The following PDE1A variants were observed in gnomAD, a reference collection of about 807,000 sequenced individuals.
PDE1A encodes phosphodiesterase 1A.
A neutral mutation model predicts 61.7 loss-of-function variants in PDE1A; 35 were observed. The ratio of observed to expected loss-of-function variants is 0.57; its 90% confidence interval spans 0.43 to 0.75. The LOEUF is 0.75. PDE1A is among the 30% of genes least tolerant of loss of function. The probability of loss-of-function intolerance (pLI) is 0.00; values close to 1 mark genes in which losing one functional copy is unlikely to be tolerated. For missense variants in PDE1A, 597 were observed against 630.6 expected (o/e 0.95, Z 0.57); for synonymous variants, 232 against 213.2 (o/e 1.09, Z -0.77).
At position 182,358,637 on chromosome 2, in the gene PDE1A, G is replaced by GT. The variant is rs572105192; in HGVS notation, c.53+67940dup. Reference sequence around the variant, plus strand: ...TTGCTGTTTTCCTATTACACTACGAGTTTTTTGGTAGCAACAATATTCAGC... The same window carrying GT: ...TTGCTGTTTTCCTATTACACTACGAGTTTTTTTGGTAGCAACAATATTCAGC... On this transcript the variant is annotated intron_variant, in intron 1 of 13. Coordinates refer to ENST00000351439, the Ensembl canonical transcript of PDE1A. Among the ~76,000 whole-genome samples, 32 of 152,174 alleles carry GT rather than the reference G, an allele frequency of 2.1e-4. No individual in the cohort carries two copies. The South Asian group carries it at 5.8e-3, about 28-fold the overall frequency.
At chr2:182,257,955 C>G (rs951470264) in intron 2 of PDE1A, among the ~76,000 whole-genome samples, 2 of 152,132 alleles carry the variant, frequency 1.3e-5, no homozygotes, top group Admixed American at 6.5e-5. Context: ...ATCACGAGGT[C>G]AGGAGATCGA....
At chr2:182,385,459 T>A (rs546890823) in intron 1 of PDE1A, among the ~76,000 whole-genome samples, 7 of 152,202 alleles carry the variant, frequency 4.6e-5, no homozygotes, top group East Asian at 1.9e-4. Flanking sequence ...TGGGTTTTTT[T>A]AAAATCAAAA....
At chr2:182,362,816 A>G (rs1325645477) in intron 1 of PDE1A, among the ~76,000 whole-genome samples, 2 of 152,088 alleles carry the variant, frequency 1.3e-5, no homozygotes, top group Non-Finnish European at 2.9e-5. Context: ...GAATCAACCT[A>G]AATGCCCATC....
intron 1 of PDE1A, among the ~76,000 whole-genome samples, chr2:182,370,740 C>G (rs1267091332): frequency 1.3e-5 from 2 of 152,218 alleles, no homozygotes; most frequent in South Asian, 2.1e-4. Context: ...CAGAAGGACA[C>G]AGAAAGTGGA....
chr2:182,400,912 A>C (rs1487986755), intron 1 of PDE1A, among the ~76,000 whole-genome samples: 1 of 152,220 alleles, frequency 6.6e-6, no homozygotes, highest in Non-Finnish European at 1.5e-5. Flanking sequence ...CTTCAAGTCC[A>C]GTTACCAAAC....
intron 2 of PDE1A, among the ~76,000 whole-genome samples, chr2:182,518,222 TG>T (rs1690337658): frequency 6.6e-6 from 1 of 152,194 alleles, no homozygotes; most frequent in South Asian, 2.1e-4. Flanking sequence ...GTCACTTCCA[TG>T]TTTTTTTTGC....
the PDE1A span, among the ~76,000 whole-genome samples, chr2:182,586,377 G>T: frequency 6.6e-6 from 1 of 152,204 alleles, no homozygotes; most frequent in Non-Finnish European, 1.5e-5. Context: ...ATCAAGGGAA[G>T]ATTGGTGCCT....
At chr2:182,675,156 G>A in the PDE1A span, among the ~76,000 whole-genome samples, 2 of 152,034 alleles carry the variant, frequency 1.3e-5, no homozygotes, top group African/African-American at 4.8e-5. Flanking sequence ...CTTTCTTTGT[G>A]TTCATGAGTT....
At chr2:182,255,019 T>C (rs1691674148) in intron 2 of PDE1A, among the ~76,000 whole-genome samples, 1 of 152,174 alleles carries the variant, frequency 6.6e-6, no homozygotes, top group African/African-American at 2.4e-5. Flanking sequence ...TATCGGATCC[T>C]ATGGGAAAGA....
chr2:182,569,418 C>T, the PDE1A span, among the ~76,000 whole-genome samples: 1 of 152,092 alleles, frequency 6.6e-6, no homozygotes, highest in Non-Finnish European at 1.5e-5. Context: ...CAGCTATGGT[C>T]AACCTGCTCC....
At chr2:182,552,781 C>T in the PDE1A span, among the ~76,000 whole-genome samples, 2 of 152,196 alleles carry the variant, frequency 1.3e-5, no homozygotes, top group East Asian at 1.9e-4. Context: ...ATGGCTACCC[C>T]CTTTGGACCC....
At chr2:182,408,467 A>T (rs1387192743) in intron 1 of PDE1A, among the ~76,000 whole-genome samples, 1 of 152,190 alleles carries the variant, frequency 6.6e-6, no homozygotes, top group African/African-American at 2.4e-5. Context: ...TCACATATCA[A>T]GTGCTTATTA....
rs142313857 is a variant in PDE1A, at chr2:182,245,000, A to G, written c.168-4708T>C. ...TGGCCTTTGAGAGCTTCATCTGCCT[A>G]TGCATGCATCTCTGCTACTCCAGTG... On this transcript the variant is annotated intron_variant, in intron 2 of 13. Coordinates refer to ENST00000351439, the Ensembl canonical transcript of PDE1A. Among the ~76,000 whole-genome samples the G allele has an allele frequency of 4.9e-4, 74 of 152,296 alleles. No individual in the cohort carries two copies. The East Asian group carries it at 0.013, about 26-fold the overall frequency.
intron 10 of PDE1A, among the ~76,000 whole-genome samples, chr2:182,192,077 G>A (rs1054448104): frequency 5.9e-5 from 9 of 151,976 alleles, no homozygotes; most frequent in Middle Eastern, 3.4e-3. Context: ...AGGTGGTCTC[G>A]AACTCCTGAC....
the PDE1A span, among the ~76,000 whole-genome samples, chr2:182,530,445 G>A: frequency 6.6e-6 from 1 of 152,112 alleles, no homozygotes; most frequent in Non-Finnish European, 1.5e-5. Flanking sequence ...TCTCAAATAG[G>A]GTAAACCCAA....
At chr2:182,140,953 T>TC (rs1174991675) in exon 15 of PDE1A, 3 of 149,976 alleles carry the variant, frequency 2.0e-5, no homozygotes, top group Non-Finnish European at 4.4e-5. Flanking sequence ...AACTTTTTTT[T>TC]CTTTTTTTTT....
the PDE1A span, among the ~76,000 whole-genome samples, chr2:182,697,597 G>C: frequency 1.3e-5 from 2 of 152,224 alleles, no homozygotes; most frequent in African/African-American, 2.4e-5. Flanking sequence ...ACAGGTGATA[G>C]TCTCTCTTTC....
In PDE1A at chr2:182,426,094, C is replaced by T. The variant is rs192445160; in HGVS notation, c.53+484G>A. ...TATCACCCTGTTGTTTCTTTAACTG[C>T]TGGTCTGATATTCCTGAGCGAGCTG... On this transcript the variant is annotated intron_variant, in intron 1 of 13. Coordinates refer to ENST00000351439, the Ensembl canonical transcript of PDE1A. 4.7e-3 allele frequency among the ~76,000 whole-genome samples: 716 copies of T among 152,270 alleles called. 8 individuals are homozygous for T. The highest frequency in any genetic ancestry group is 0.017 in the African/African-American group (697 of 41,560).
chr2:182,510,531 C>G (rs1247771453), intron 2 of PDE1A, among the ~76,000 whole-genome samples: 1 of 152,126 alleles, frequency 6.6e-6, no homozygotes, highest in Non-Finnish European at 1.5e-5. Flanking sequence ...GGAAATACAG[C>G]ATTTTCTAAA....
Sources: gnomAD v4.1 joint callset for allele counts (sites outside exome capture counted in the v4.1 genomes callset) on GRCh38, gnomAD v4.1.1 for gene constraint, MANE v1.5 for transcripts, NCBI Gene and HGNC (gene_info 2026-07-23, HGNC 2026-07-21) for gene names.